Variants in DDX4 observed in about 807,000 individuals in gnomAD.
The protein encoded by DDX4 is DEAD-box helicase 4.
In DDX4, 25 loss-of-function variants were observed where a neutral mutation model predicts 100.0. The observed-to-expected ratio is 0.25, with a 90% confidence interval of 0.18 to 0.35. The LOEUF (loss-of-function observed/expected upper bound fraction) is 0.35, where lower values mean the gene tolerates loss of function less well. Among genes scored for constraint, DDX4 ranks in the 10% least tolerant of loss-of-function variants. The probability of loss-of-function intolerance (pLI) is 1.00; values close to 1 mark genes in which losing one functional copy is unlikely to be tolerated. For synonymous variants in DDX4, 259 were observed against 275.7 expected (o/e 0.94, Z 0.60); for missense variants, 635 against 882.4 (o/e 0.72, Z 3.55).
At chr5:55,757,267 G>A (rs532570969) in intron 3 of DDX4, among the ~76,000 whole-genome samples, 12 of 152,170 alleles carry the variant, frequency 7.9e-5, no homozygotes, top group Admixed American at 3.3e-4. Context: ...ACCCCTCATC[G>A]CACTCCTTTC....
At chr5:55,810,056 G>T (rs189713560) in intron 18 of DDX4, among the ~76,000 whole-genome samples, 61 of 152,140 alleles carry the variant, frequency 4.0e-4, no homozygotes, top group African/African-American at 1.3e-3. Context: ...AAAAATAGAG[G>T]CCGAGTATCA....
chr5:55,743,640 G>C (rs891256989), intron 2 of DDX4, among the ~76,000 whole-genome samples: 1 of 152,148 alleles, frequency 6.6e-6, no homozygotes, highest in Non-Finnish European at 1.5e-5. Context: ...ATGTTGGACA[G>C]GCTGGTCTTG....
chr5:55,816,727 G>C lies in DDX4; in HGVS notation c.*187G>C, dbSNP rs1744442150. ...AGATGCTAAAACTTACAACATTGCA[G>C]TTACTGATACAAATGGTGTTAACTG... On this transcript the variant is annotated 3_prime_UTR_variant, in exon 22 of 22. Coordinates refer to ENST00000505374, the MANE Select transcript of DDX4 (RefSeq NM_024415.3). 1.1e-6 allele frequency: 1 copy of C among 950,238 alleles called. No individual in the cohort carries two copies. The highest frequency in any genetic ancestry group is 1.5e-6 in the Non-Finnish European group (1 of 677,846). 58.9% of individuals were successfully genotyped at this position (950,238 alleles called of 1,614,324 possible).
intron 6 of DDX4, among the ~76,000 whole-genome samples, chr5:55,764,828 G>A (rs7730742): frequency 0.41 from 61,732 of 151,956 alleles, 14,043 homozygotes; most frequent in African/African-American, 0.59. Flanking sequence ...GGTTAGGCAG[G>A]CTAAGTGAGA....
At position 55,786,511 on chromosome 5, in the gene DDX4, T is replaced by A; in HGVS notation, c.865-7T>A. On this transcript the variant is annotated splice_region_variant and splice_polypyrimidine_tract_variant and intron_variant, in intron 13 of 21. Coordinates refer to ENST00000505374, the MANE Select transcript of DDX4 (RefSeq NM_024415.3). ...AATGTAATCACTGCTTTTTTTTAAA[T>A]TTTCAGACTTTTGAAGAAGCTAATC... 6.2e-7 allele frequency: 1 copy of A among 1,606,846 alleles called. No homozygotes were observed. The highest frequency in any genetic ancestry group is 1.7e-4 in the Middle Eastern group (1 of 6,018).
intron 18 of DDX4, among the ~76,000 whole-genome samples, chr5:55,806,487 C>T (rs1743731639): frequency 6.6e-6 from 1 of 152,204 alleles, no homozygotes; most frequent in South Asian, 2.1e-4. Flanking sequence ...CCTCTACACA[C>T]TGCTTTGAAT....
intron 8 of DDX4, 75 bp downstream of exon 8, chr5:55,780,140 A>G (rs1741820556): frequency 1.3e-6 from 2 of 1,559,972 alleles, no homozygotes; most frequent in East Asian, 2.3e-5. Flanking sequence ...TACGTATCAA[A>G]GAAGGTTGTT....
intron 21 of DDX4, 29 bp from the exon 22 acceptor site, chr5:55,816,434 C>CT (rs71602915): frequency 0.1 from 136,811 of 1,365,936 alleles, 1,766 homozygotes; most frequent in African/African-American, 0.27. Flanking sequence ...TTGTTTGTTT[C>CT]TTTTTTTTTT....
At chr5:55,772,126 G>A (rs1580550534) in intron 7 of DDX4, among the ~76,000 whole-genome samples, 1 of 152,154 alleles carries the variant, frequency 6.6e-6, no homozygotes, top group Admixed American at 6.5e-5. Context: ...CAGAAGAATC[G>A]CTTGAACCTG....
rs1443103896 is a variant in DDX4 at position 55,788,079 on chromosome 5, TA to T, written c.1172+81del. Reference sequence around the variant, plus strand: ...TCCCCTCACTTTTGGAAGAACTCAGTAATAATGCACTCATGTAATTTTTAGC... The same window carrying T: ...TCCCCTCACTTTTGGAAGAACTCAGTATAATGCACTCATGTAATTTTTAGC... On this transcript the variant is annotated intron_variant, in intron 15 of 21. Coordinates refer to ENST00000505374, the MANE Select transcript of DDX4 (RefSeq NM_024415.3). The T allele has an allele frequency of 1.5e-5, 19 of 1,258,302 alleles. No individual in the cohort carries two copies. The Admixed American group carries it at 4.4e-4, about 29-fold the overall frequency. 77.9% of individuals were successfully genotyped at this position (1,258,302 alleles called of 1,614,324 possible).
At chr5:55,780,099 TAACTGTTAAAAAGAA>T in intron 8 of DDX4, 34 bp downstream of exon 8, 1 of 1,609,338 alleles carries the variant, frequency 6.2e-7, no homozygotes. Flanking sequence ...TGTGCTTCAT[TAACTGTTAAAAAGAA>T]AATGATTTAA....
At position 55,738,998 on chromosome 5, in the gene DDX4, C is replaced by G. The variant is rs753587808; in HGVS notation, c.35C>G (p.Pro12Arg). The change falls in exon 2 of 22, where the codon CCT becomes CGT. Residue 12 changes from proline to arginine, a missense_variant. Pro to Arg is a moderately radical substitution (Grantham distance 103). This residue lies in a region of DDX4 where 446 missense variants were observed against 540.8 expected (regional missense o/e 0.82). Coordinates refer to ENST00000505374, the MANE Select transcript of DDX4 (RefSeq NM_024415.3). ...GDEDWEAEIN[P>R]HMSSYVPIFE... is the part of the protein sequence containing the mutation. ...GAAGATTGGGAAGCAGAAATCAACCCTCATATGTCTTCCTATGTTCCCATA... is the reference window on the plus strand; with the variant it reads ...GAAGATTGGGAAGCAGAAATCAACCGTCATATGTCTTCCTATGTTCCCATA... 6.2e-7 allele frequency: 1 copy of G among 1,605,702 alleles called. No homozygotes were observed. Among genetic ancestry groups the G allele is most frequent in the South Asian group, 1.1e-5 (1 of 90,630 alleles).
chr5:55,782,187 T>G (rs1222345299), intron 10 of DDX4: 3 of 559,896 alleles, frequency 5.4e-6, no homozygotes, highest in Non-Finnish European at 9.5e-6. Flanking sequence ...GCCTCTCTGA[T>G]CCAGCAATTC....
chr5:55,751,244 T>C (rs1759531797), intron 3 of DDX4, among the ~76,000 whole-genome samples: 1 of 152,204 alleles, frequency 6.6e-6, no homozygotes, highest in Non-Finnish European at 1.5e-5. Flanking sequence ...TTTTTGTTGT[T>C]GTTTTTTGAG....
intron 18 of DDX4, among the ~76,000 whole-genome samples, chr5:55,801,351 C>G (rs1743291973): frequency 6.6e-6 from 1 of 151,974 alleles, no homozygotes; most frequent in African/African-American, 2.4e-5. Flanking sequence ...ATTGGACACC[C>G]CTGGTTTAGG....
At chr5:55,781,886 G>C in intron 9 of DDX4, 48 bp from the exon 10 acceptor site, 1 of 1,600,284 alleles carries the variant, frequency 6.2e-7, no homozygotes, top group South Asian at 1.1e-5. Flanking sequence ...GTGTGCTTGA[G>C]CAGCAGCTGT....
At chr5:55,761,536 G>T (rs1420363317) in intron 4 of DDX4, among the ~76,000 whole-genome samples, 1 of 123,240 alleles carries the variant, frequency 8.1e-6, no homozygotes, top group East Asian at 2.5e-4. Flanking sequence ...TATATTACCT[G>T]GGACATTGTA....
chr5:55,815,207 C>G, intron 20 of DDX4, 36 bp downstream of exon 20: 1 of 1,606,088 alleles, frequency 6.2e-7, no homozygotes, highest in South Asian at 1.1e-5. Flanking sequence ...GGATAGTTTT[C>G]TTACTTTGTT....
intron 7 of DDX4, among the ~76,000 whole-genome samples, chr5:55,775,473 A>G (rs1479528643): frequency 6.6e-6 from 1 of 152,186 alleles, no homozygotes; most frequent in Non-Finnish European, 1.5e-5. Flanking sequence ...ATTGATTTCT[A>G]GAGTTTGGAA....
Sources: allele counts gnomAD v4.1 joint callset (sites outside exome capture counted in the v4.1 genomes callset), GRCh38; gene constraint gnomAD v4.1.1; regional missense constraint gnomAD v4.1.1; transcripts MANE v1.5; gene names NCBI Gene and HGNC (gene_info 2026-07-23, HGNC 2026-07-21).